Variants in RARB observed in about 807,000 individuals in gnomAD.
The protein encoded by RARB is retinoic acid receptor beta, also known as HBV-activated protein.
In RARB, 17 loss-of-function variants were observed where a neutral mutation model predicts 51.9. The ratio of observed to expected loss-of-function variants is 0.33; its 90% CI spans 0.22 to 0.49. RARB has a LOEUF of 0.49. Among genes scored for constraint, RARB ranks in the 20% least tolerant of loss-of-function variants. RARB has a pLI of 0.99. For missense variants in RARB, 369 were observed against 550.8 expected (o/e 0.67, Z 3.30); for synonymous variants, 215 against 195.4 (o/e 1.10, Z -0.84).
chr3:24,945,291 T>A (rs929677541), intron 2 of RARB, among the ~76,000 whole-genome samples: 9 of 152,200 alleles, frequency 5.9e-5, no homozygotes, highest in Admixed American at 2.0e-4. Context: ...TTTTTTTCTC[T>A]CCCTTTTAAA....
intron 5 of RARB, among the ~76,000 whole-genome samples, chr3:25,365,204 T>C (rs975409411): frequency 0.038 from 3,959 of 102,974 alleles, 89 homozygotes; most frequent in African/African-American, 0.19. Context: ...TCTTTCTTTT[T>C]TTTTTTTTTT....
At chr3:25,032,866 A>G (rs892926874) in intron 2 of RARB, among the ~76,000 whole-genome samples, 1 of 152,214 alleles carries the variant, frequency 6.6e-6, no homozygotes, top group African/African-American at 2.4e-5. Context: ...TGTGGTAGCA[A>G]TGTTTATAAA....
chr3:24,985,513 C>T (rs1196795908), intron 2 of RARB, among the ~76,000 whole-genome samples: 2 of 152,116 alleles, frequency 1.3e-5, no homozygotes, highest in East Asian at 3.9e-4. Context: ...AGCAATTTTA[C>T]CTTACAGGTT....
At chr3:24,961,591 A>G (rs1318800398) in intron 2 of RARB, among the ~76,000 whole-genome samples, 1 of 142,394 alleles carries the variant, frequency 7.0e-6, no homozygotes, top group African/African-American at 2.5e-5. Context: ...GTTCAGACAG[A>G]TGAATTCAGC....
At chr3:25,351,101 A>T (rs534470401) in intron 5 of RARB, among the ~76,000 whole-genome samples, 3 of 152,280 alleles carry the variant, frequency 2.0e-5, no homozygotes, top group East Asian at 3.9e-4. Flanking sequence ...ATTATTTCCA[A>T]TTAAAACTTG....
intron 5 of RARB, among the ~76,000 whole-genome samples, chr3:25,193,387 C>T (rs1701150488): frequency 6.6e-6 from 1 of 151,994 alleles, no homozygotes; most frequent in Admixed American, 6.6e-5. Flanking sequence ...AACCTGTTTG[C>T]ACTGAAGTAA....
rs186017480 is a variant in RARB, at chr3:24,938,678, T to C, written c.-380+79926T>C. Among the ~76,000 whole-genome samples the C allele has an allele frequency of 1.9e-3, 291 of 152,268 alleles. 1 individual carries two copies. Among genetic ancestry groups the C allele is most frequent in the African/African-American group, 6.5e-3 (271 of 41,570 alleles). On this transcript the variant is annotated intron_variant, in intron 2 of 11. Transcript: ENST00000383772. Reference sequence around the variant, plus strand: ...TCACCACTGTCCATTTATAAAACTTTTCTATCCCAAACAGAAGCTGTGTAC... The same window carrying C: ...TCACCACTGTCCATTTATAAAACTTCTCTATCCCAAACAGAAGCTGTGTAC...
chr3:25,231,528 G>A (rs1702176125), intron 5 of RARB, among the ~76,000 whole-genome samples: 1 of 152,162 alleles, frequency 6.6e-6, no homozygotes, highest in African/African-American at 2.4e-5. Context: ...CCTCTAAGAA[G>A]TTAAGCTACA....
At chr3:25,414,262 T>G (rs182164144) in intron 5 of RARB, among the ~76,000 whole-genome samples, 1 of 152,380 alleles carries the variant, frequency 6.6e-6, no homozygotes, top group East Asian at 1.9e-4. Context: ...TCATTCCTTT[T>G]TATTGCCAAG....
rs149600192 is a variant in RARB, at chr3:25,014,599, T to C, written c.-379-45526T>C. On this transcript the variant is annotated intron_variant, in intron 2 of 11. Coordinates refer to the RARB transcript ENST00000383772. ...CCAATGTCACATAGAGTAGAGATGG[T>C]TCAGCCCCACTGAGCCCTGCCCATG... is the stretch of plus-strand genomic sequence containing the variant. Among the ~76,000 whole-genome samples the C allele has an allele frequency of 2.1e-3, 327 of 152,222 alleles. 1 individual carries two copies. The highest frequency in any genetic ancestry group is 7.7e-3 in the African/African-American group (320 of 41,542).
chr3:25,392,052 T>G (rs1314586850), intron 5 of RARB, among the ~76,000 whole-genome samples: 2 of 152,232 alleles, frequency 1.3e-5, no homozygotes, highest in Admixed American at 6.5e-5. Context: ...TAATCCATCT[T>G]GAGTTGATTT....
intron 3 of RARB, among the ~76,000 whole-genome samples, chr3:25,114,381 T>G (rs902781744): frequency 4.0e-4 from 61 of 152,282 alleles, no homozygotes; most frequent in African/African-American, 1.4e-3. Context: ...TTGGAAATAA[T>G]TGAGAGTTTT....
chr3:25,468,317 G>A (rs866988128), intron 2 of RARB, among the ~76,000 whole-genome samples: 1 of 149,850 alleles, frequency 6.7e-6, no homozygotes, highest in Non-Finnish European at 1.5e-5. Flanking sequence ...GTGTGGAGTA[G>A]AGGGAAGAAG....
intron 5 of RARB, among the ~76,000 whole-genome samples, chr3:25,335,558 T>C (rs914645900): frequency 3.9e-5 from 6 of 152,170 alleles, no homozygotes; most frequent in African/African-American, 1.2e-4. Flanking sequence ...CCCAGTTCCA[T>C]TGTGCAGTCA....
chr3:24,918,112 A>G (rs9843036), intron 2 of RARB, among the ~76,000 whole-genome samples: 94,428 of 152,122 alleles, frequency 0.62, 30,409 homozygotes, highest in African/African-American at 0.79. Flanking sequence ...GTTCAGAATA[A>G]CATTGTTCTT....
chr3:25,158,976 A>G (rs1700425301), intron 4 of RARB, among the ~76,000 whole-genome samples: 1 of 151,982 alleles, frequency 6.6e-6, no homozygotes, highest in Non-Finnish European at 1.5e-5. Flanking sequence ...CACATCACCC[A>G]CGTTCTACAG....
intron 1 of RARB, among the ~76,000 whole-genome samples, chr3:24,830,589 G>GTGA (rs1408999981): frequency 1.3e-5 from 2 of 151,472 alleles, no homozygotes; most frequent in African/African-American, 4.9e-5. Flanking sequence ...CAGAGGCGAA[G>GTGA]TGATGGTCGC....
chr3:25,225,254 A>G (rs1302729602), intron 5 of RARB, among the ~76,000 whole-genome samples: 1 of 152,184 alleles, frequency 6.6e-6, no homozygotes, highest in East Asian at 1.9e-4. Flanking sequence ...TTCAATGTGG[A>G]AAGTTAATTA....
intron 5 of RARB, among the ~76,000 whole-genome samples, chr3:25,416,170 C>A (rs865969018): frequency 1.8e-4 from 27 of 152,138 alleles, no homozygotes; most frequent in African/African-American, 6.3e-4. Flanking sequence ...TCATTTGAGC[C>A]CAGTAATTCA....
Sources: allele counts gnomAD v4.1 joint callset (sites outside exome capture counted in the v4.1 genomes callset), GRCh38; gene constraint gnomAD v4.1.1; transcripts MANE v1.5; gene names NCBI Gene and HGNC (gene_info 2026-07-23, HGNC 2026-07-21).